The following TRAP1 variants were observed in gnomAD, a reference collection of about 807,000 sequenced individuals.
The protein encoded by TRAP1 is heat shock protein 75 kDa, mitochondrial.
A neutral mutation model predicts 89.1 loss-of-function variants in TRAP1; 102 were observed. The observed-to-expected ratio is 1.15, with a 90% CI of 0.98 to 1.35. The LOEUF is 1.35. TRAP1 is among the 40% of genes most tolerant of loss of function. The pLI is 0.00. For synonymous variants in TRAP1, 508 were observed against 388.0 expected, an observed-to-expected ratio of 1.31 and a Z score of -3.64; for missense variants, 1,256 against 945.3, an observed-to-expected ratio of 1.33 and a Z score of -4.31.
chr16:3,664,378 G>T lies in TRAP1; in HGVS notation c.1465C>A (p.Arg489Ser). 2 of 1,612,690 alleles carry T rather than the reference G, an allele frequency of 1.2e-6. No homozygotes were observed. Among genetic ancestry groups the T allele is most frequent in the Non-Finnish European group, 1.7e-6 (2 of 1,179,546 alleles). Residue 489 changes from arginine (R) to serine (S), a missense_variant, in exon 13 of 18, where the codon CGC becomes AGC. Physicochemically the swap from Arg to Ser is moderately radical, Grantham distance 110. Transcript: ENST00000246957. Reference sequence around the variant, plus strand: ...ATGTTGCGGGTGCCGGCCCGCATGCGGCTGGCGTATTCTGAGAGGCTGGTT... The same window carrying T: ...ATGTTGCGGGTGCCGGCCCGCATGCTGCTGGCGTATTCTGAGAGGCTGGTT... ...QLTSLSEYASRMRAGTRNIYY... is the reference protein window; with the variant it reads ...QLTSLSEYASSMRAGTRNIYY...
At chr16:3,702,064 T>G (rs2051372835) in intron 1 of TRAP1, among the ~76,000 whole-genome samples, 2 of 151,978 alleles carry the variant, frequency 1.3e-5, no homozygotes. Flanking sequence ...AAAAATTAGC[T>G]GGGTGTGGTG....
intron 5 of TRAP1, 29 bp downstream of exon 5, chr16:3,679,690 G>C: frequency 6.2e-7 from 1 of 1,613,028 alleles, no homozygotes; most frequent in Non-Finnish European, 8.5e-7. Flanking sequence ...GAGGGGAAGG[G>C]GGAGGCTGTG....
intron 3 of TRAP1, among the ~76,000 whole-genome samples, chr16:3,688,371 T>G (rs551991096): frequency 6.6e-6 from 1 of 152,142 alleles, no homozygotes; most frequent in African/African-American, 2.4e-5. Context: ...ACCTTCTTCC[T>G]CCGGCAGCCA....
chr16:3,695,443 G>A (rs1001918999), intron 1 of TRAP1, among the ~76,000 whole-genome samples: 1 of 151,434 alleles, frequency 6.6e-6, no homozygotes, highest in Non-Finnish European at 1.5e-5. Flanking sequence ...GGCCGAGGTG[G>A]AAGGACTGCT....
chr16:3,665,870 C>G, intron 12 of TRAP1, 101 bp downstream of exon 12: 1 of 1,434,934 alleles, frequency 7.0e-7, no homozygotes, highest in South Asian at 1.4e-5. Flanking sequence ...CCAGGGTACC[C>G]AGCTGCACCG....
At position 3,676,074 on chromosome 16, in the gene TRAP1, G is replaced by C. The variant is rs61753378; in HGVS notation, c.776C>G (p.Ser259Cys). The C allele has an allele frequency of 2.5e-6, 4 of 1,613,922 alleles. No homozygotes were observed. Among genetic ancestry groups the C allele is most frequent in the Admixed American group, 3.3e-5 (2 of 59,980 alleles). The change falls in exon 7 of 18, where the codon TCC becomes TGC. Residue 259 changes from serine to cysteine, a missense_variant. Transcript: ENST00000246957. ...CTCGCTGGAAAACTCCTTGCAGTCG[G>C]ATTTCAGGTGGATGATGATTTTTGT... ...TGTKIIIHLK[S>C]DCKEFSSEAR...
chr16:3,670,875 C>A (rs1381429909), intron 11 of TRAP1, among the ~76,000 whole-genome samples: 2 of 152,148 alleles, frequency 1.3e-5, no homozygotes, highest in African/African-American at 4.8e-5. Flanking sequence ...TCTCCCCAGA[C>A]CTGCTCCTGC....
At chr16:3,705,270 C>G (rs1396181065) in intron 1 of TRAP1, among the ~76,000 whole-genome samples, 1 of 151,974 alleles carries the variant, frequency 6.6e-6, no homozygotes, top group Non-Finnish European at 1.5e-5. Context: ...AGGGTTTCAC[C>G]ATGTTAGCCA....
intron 11 of TRAP1, 91 bp from the exon 12 acceptor site, chr16:3,666,209 GAATC>G (rs1184032487): frequency 6.9e-7 from 1 of 1,451,864 alleles, no homozygotes; most frequent in Non-Finnish European, 9.2e-7. Context: ...GCCCCGCTAA[GAATC>G]AAAGAAGTGA....
In TRAP1 at chr16:3,671,842, C is replaced by T. The variant is rs757419069; in HGVS notation, c.1166-51G>A. ...CCCGGGGCTGCGGCCCTCCACACCA[C>T]CCAACATTCCCCATTAACCTGCCCT... On this transcript the variant is annotated intron_variant, in intron 10 of 17. Coordinates refer to ENST00000246957, the MANE Select transcript of TRAP1 (RefSeq NM_016292.3). 5.7e-6 allele frequency: 9 copies of T among 1,566,938 alleles called. No individual in the cohort carries two copies. The East Asian group carries it at 1.6e-4, about 27-fold the overall frequency.
chr16:3,672,804 T>A lies in TRAP1; in HGVS notation c.1061A>T (p.Asp354Val), dbSNP rs746458905. Residue 354 changes from aspartate (D) to valine (V), a missense_variant, in exon 10 of 18, where the codon GAT becomes GTT. Coordinates refer to ENST00000246957, the MANE Select transcript of TRAP1 (RefSeq NM_016292.3). ...YVPDMKPSMFDVSRELGSSVA... is the reference protein window; with the variant it reads ...YVPDMKPSMFVVSRELGSSVA... ...GCTGGAGCCCAGCTCCCGGCTCACA[T>A]CAAACATGGACGGTTTCTGGGGGTG... 6.2e-7 allele frequency: 1 copy of A among 1,613,080 alleles called. No homozygotes were observed. The highest frequency in any genetic ancestry group is 1.1e-5 in the South Asian group (1 of 90,920).
chr16:3,674,349 A>G lies in TRAP1; in HGVS notation c.1034T>C (p.Val345Ala). The G allele has an allele frequency of 1.2e-6, 2 of 1,613,970 alleles. No individual in the cohort carries two copies. The highest frequency in any genetic ancestry group is 1.7e-6 in the Non-Finnish European group (2 of 1,180,006). Reference sequence around the variant, plus strand: ...GCCACAGTGCCTCACCATGTCGGGCACGTAGAAGATGCTGCGGATGTTGAG... The same window carrying G: ...GCCACAGTGCCTCACCATGTCGGGCGCGTAGAAGATGCTGCGGATGTTGAG... The part of the protein sequence containing the change: ...APLNIRSIFY[V>A]PDMKPSMFDV... The change falls in exon 9 of 18, where the codon GTG becomes GCG. Residue 345 changes from valine to alanine, a missense_variant. By Grantham distance (64) the Val-to-Ala change is moderately conservative (BLOSUM62 0). Transcript: ENST00000246957.
In TRAP1 at chr16:3,673,735, A is replaced by G. The variant is rs1348061747; in HGVS notation, c.1044+604T>C. Among the ~76,000 whole-genome samples, 7 of 152,088 alleles carry G rather than the reference A, an allele frequency of 4.6e-5. No individual in the cohort carries two copies. In the South Asian group the frequency reaches 1.0e-3, roughly 23 times the overall value. ...GTTTCCAGGCAGCCAAGGACAGAAGAGCCTGGGGGCAGGACGGGCTGGCTC... is the reference window on the plus strand; with the variant it reads ...GTTTCCAGGCAGCCAAGGACAGAAGGGCCTGGGGGCAGGACGGGCTGGCTC... On this transcript the variant is annotated intron_variant, in intron 9 of 17. Coordinates refer to ENST00000246957, the MANE Select transcript of TRAP1 (RefSeq NM_016292.3).
chr16:3,667,125 G>A (rs752377506), intron 11 of TRAP1, among the ~76,000 whole-genome samples: 8 of 152,118 alleles, frequency 5.3e-5, no homozygotes, highest in Non-Finnish European at 1.2e-4. Flanking sequence ...CCCAGGGAAG[G>A]TGTCTATGCA....
rs760456963 is a variant in TRAP1, at chr16:3,666,122, C to A, written c.1236-4G>T. ...CTGTAAAACGTCCCGGAGTTTCCTA[C>A]AGAAAAGAAATGCATTTAATACATA... On this transcript the variant is annotated splice_region_variant and splice_polypyrimidine_tract_variant and intron_variant, in intron 11 of 17. Transcript: ENST00000246957. The A allele has an allele frequency of 1.2e-6, 2 of 1,608,874 alleles. No homozygotes were observed. Among genetic ancestry groups the A allele is most frequent in the African/African-American group, 1.3e-5 (1 of 74,404 alleles).
chr16:3,700,384 C>T (rs903909022), intron 1 of TRAP1, among the ~76,000 whole-genome samples: 28 of 151,520 alleles, frequency 1.8e-4, no homozygotes, highest in African/African-American at 6.8e-4. Context: ...TCAGGCTGCT[C>T]TCTAACTCCT....
chr16:3,686,649 C>T (rs1038835039), intron 3 of TRAP1, among the ~76,000 whole-genome samples: 2 of 152,102 alleles, frequency 1.3e-5, no homozygotes, highest in African/African-American at 4.8e-5. Flanking sequence ...CCTGAAGTTA[C>T]GTGTCCATCT....
At chr16:3,714,870 C>CA (rs762972570) in intron 1 of TRAP1, among the ~76,000 whole-genome samples, 4 of 152,290 alleles carry the variant, frequency 2.6e-5, no homozygotes, top group Admixed American at 6.5e-5. Context: ...AAAAAAATTT[C>CA]AAGAGGTCTG....
chr16:3,694,042 C>A (rs1457375558), intron 1 of TRAP1, among the ~76,000 whole-genome samples: 1 of 150,318 alleles, frequency 6.7e-6, no homozygotes, highest in Non-Finnish European at 1.5e-5. Flanking sequence ...GGCAGCGGTG[C>A]TTCCCACTGG....
Sources: allele counts gnomAD v4.1 joint callset (sites outside exome capture counted in the v4.1 genomes callset), GRCh38; gene constraint gnomAD v4.1.1; transcripts MANE v1.5; gene names NCBI Gene and HGNC (gene_info 2026-07-23, HGNC 2026-07-21).